The following RAD51B variants were observed in gnomAD, a reference collection of about 807,000 sequenced individuals.
The protein encoded by RAD51B is RAD51 paralog B, also known as DNA repair protein RAD51 homolog 2.
In RAD51B, 38 loss-of-function variants were observed where a neutral mutation model predicts 42.2. The observed-to-expected ratio is 0.90, with a 90% CI of 0.70 to 1.18. The LOEUF (loss-of-function observed/expected upper bound fraction) is 1.18. Among genes scored for constraint, RAD51B ranks in the 50% most tolerant of loss-of-function variants. RAD51B has a pLI of 0.00. For missense variants in RAD51B, 373 were observed against 400.7 expected, an observed-to-expected ratio of 0.93 and a Z score of 0.59; for synonymous variants, 154 against 145.2, an observed-to-expected ratio of 1.06 and a Z score of -0.43.
intron 7 of RAD51B, among the ~76,000 whole-genome samples, chr14:68,024,134 G>A (rs2075913542): frequency 6.6e-6 from 1 of 152,018 alleles, no homozygotes; most frequent in Non-Finnish European, 1.5e-5. Flanking sequence ...TGTCAGTCTT[G>A]TCAAAGATCA....
At chr14:68,063,142 T>C (rs1299170077) in intron 7 of RAD51B, among the ~76,000 whole-genome samples, 8 of 152,154 alleles carry the variant, frequency 5.3e-5, no homozygotes, top group Non-Finnish European at 1.0e-4. Flanking sequence ...TTTGGCTAGC[T>C]AAATGGTTTG....
intron 4 of RAD51B, among the ~76,000 whole-genome samples, chr14:67,847,536 A>G (rs1440207630): frequency 6.6e-6 from 1 of 151,674 alleles, no homozygotes; most frequent in Non-Finnish European, 1.5e-5. Context: ...TTTCTTGTTC[A>G]CCCAGGAGTT....
chr14:67,830,055 A>G (rs1343677335), intron 3 of RAD51B, among the ~76,000 whole-genome samples: 1 of 152,106 alleles, frequency 6.6e-6, no homozygotes, highest in African/African-American at 2.4e-5. Flanking sequence ...AACAGATGCA[A>G]AGGCCCTGGG....
chr14:68,152,392 G>A (rs945055795), intron 7 of RAD51B, among the ~76,000 whole-genome samples: 21 of 152,118 alleles, frequency 1.4e-4, no homozygotes, highest in African/African-American at 5.1e-4. Flanking sequence ...GGCTGTGGCA[G>A]GGCTACTCTC....
intron 4 of RAD51B, among the ~76,000 whole-genome samples, chr14:67,863,231 T>G (rs920761852): frequency 1.3e-5 from 2 of 150,976 alleles, no homozygotes; most frequent in Non-Finnish European, 2.9e-5. Flanking sequence ...GCTCAAGTGA[T>G]TCTCTTGCCT....
chr14:68,588,924 G>A (rs1407390585), intron 10 of RAD51B, among the ~76,000 whole-genome samples: 1 of 152,208 alleles, frequency 6.6e-6, no homozygotes, highest in Non-Finnish European at 1.5e-5. Context: ...ATTTTGCAAA[G>A]CTGCTTTCCC....
chr14:68,635,023 C>T (rs1892313216), intron 10 of RAD51B, among the ~76,000 whole-genome samples: 2 of 152,194 alleles, frequency 1.3e-5, no homozygotes, highest in South Asian at 4.1e-4. Flanking sequence ...CTCTGGGAGC[C>T]TCCGGTGACA....
intron 8 of RAD51B, among the ~76,000 whole-genome samples, chr14:68,305,215 C>T (rs193143115): frequency 1.3e-5 from 2 of 152,302 alleles, no homozygotes; most frequent in East Asian, 3.9e-4. Context: ...TAGAGTGAGA[C>T]TGAAACCAAA....
At chr14:68,068,293 C>G (rs1322891904) in intron 7 of RAD51B, among the ~76,000 whole-genome samples, 2 of 131,252 alleles carry the variant, frequency 1.5e-5, no homozygotes, top group African/African-American at 4.1e-5. Context: ...TTCTCTCTCA[C>G]CCCTGGCAAC....
At chr14:68,291,358 C>T (rs2081513685) in intron 7 of RAD51B, among the ~76,000 whole-genome samples, 1 of 151,892 alleles carries the variant, frequency 6.6e-6, no homozygotes, top group African/African-American at 2.4e-5. Context: ...CATGTGCCAC[C>T]ATGCCTGACT....
chr14:68,610,084 GC>G (rs778025904), intron 10 of RAD51B, among the ~76,000 whole-genome samples: 1 of 152,086 alleles, frequency 6.6e-6, no homozygotes. Flanking sequence ...GGCCTACTCT[GC>G]TGGCCGTCTC....
chr14:68,569,634 C>CG, intron 10 of RAD51B, among the ~76,000 whole-genome samples: 1 of 152,228 alleles, frequency 6.6e-6, no homozygotes, highest in Non-Finnish European at 1.5e-5. Context: ...ACACCTCTGC[C>CG]CGCAGAGAGG....
intron 8 of RAD51B, among the ~76,000 whole-genome samples, chr14:68,343,259 A>T (rs1450921589): frequency 6.6e-6 from 1 of 152,160 alleles, no homozygotes; most frequent in Non-Finnish European, 1.5e-5. Flanking sequence ...CCCTAATCAG[A>T]TGTATGCCTT....
At chr14:68,394,197 TA>T (rs2083844972) in intron 8 of RAD51B, among the ~76,000 whole-genome samples, 1 of 152,246 alleles carries the variant, frequency 6.6e-6, no homozygotes, top group African/African-American at 2.4e-5. Flanking sequence ...CCCTAAAGTT[TA>T]TGAGCCTCTT....
At chr14:68,510,373 T>A (rs1261171435) in intron 10 of RAD51B, among the ~76,000 whole-genome samples, 1 of 151,860 alleles carries the variant, frequency 6.6e-6, no homozygotes, top group Non-Finnish European at 1.5e-5. Flanking sequence ...GGAGGTAGAG[T>A]AGGAGGCTGG....
chr14:68,505,294 G>A (rs973153884), intron 10 of RAD51B, among the ~76,000 whole-genome samples: 2 of 152,194 alleles, frequency 1.3e-5, no homozygotes, highest in Admixed American at 6.5e-5. Context: ...GGGCTTTCTA[G>A]TAAGATTTTA....
chr14:68,595,453 A>T, exon 11 of RAD51B: 2 of 1,066,698 alleles, frequency 1.9e-6, no homozygotes, highest in Non-Finnish European at 2.3e-6. Context: ...CTGTGGAATT[A>T]AGAGAACATC....
At chr14:67,886,668 C>G in intron 6 of RAD51B, 1 of 240,456 alleles carries the variant, frequency 4.2e-6, no homozygotes, top group East Asian at 6.0e-5. Flanking sequence ...TCATACAGAT[C>G]AAGTCTGGCA....
intron 10 of RAD51B, among the ~76,000 whole-genome samples, chr14:68,503,752 C>T (rs1885087236): frequency 6.6e-6 from 1 of 152,208 alleles, no homozygotes; most frequent in Non-Finnish European, 1.5e-5. Context: ...TTGAACTGAA[C>T]TCAGCAGCTG....
Sources: gnomAD v4.1 joint callset for allele counts (sites outside exome capture counted in the v4.1 genomes callset) on GRCh38, gnomAD v4.1.1 for gene constraint, MANE v1.5 for transcripts, NCBI Gene and HGNC (gene_info 2026-07-23, HGNC 2026-07-21) for gene names.